Variants in MYH15 observed in about 807,000 individuals in gnomAD.
MYH15 encodes the protein myosin heavy chain 15.
MYH15 carries 227 observed loss-of-function variants against 240.5 expected under a neutral mutation model. That is an observed-to-expected ratio of 0.94 (90% CI 0.85 to 1.05). MYH15 has a LOEUF of 1.05. Among genes scored for constraint, MYH15 ranks in the 50% least tolerant of loss-of-function variants. The probability of loss-of-function intolerance (pLI) is 0.00; values close to 1 mark genes in which losing one functional copy is unlikely to be tolerated. For synonymous variants in MYH15, 785 were observed against 796.7 expected (o/e 0.99, Z 0.25); for missense variants, 2,217 against 2,247.5 (o/e 0.99, Z 0.27).
intron 10 of MYH15, 100 bp from the exon 11 acceptor site, chr3:108,485,329 G>C: frequency 7.6e-7 from 1 of 1,312,730 alleles, no homozygotes; most frequent in South Asian, 1.4e-5. Flanking sequence ...GGGCTGAGGG[G>C]AATGAGACAG....
chr3:108,486,096 G>C, intron 10 of MYH15, among the ~76,000 whole-genome samples: 1 of 151,780 alleles, frequency 6.6e-6, no homozygotes, highest in South Asian at 2.1e-4. Flanking sequence ...ACAGTCTTTT[G>C]GTAAAAAACA....
chr3:108,445,941 A>G (rs915501109), intron 21 of MYH15, among the ~76,000 whole-genome samples: 9 of 151,936 alleles, frequency 5.9e-5, no homozygotes, highest in African/African-American at 1.9e-4. Flanking sequence ...AATACTGGGG[A>G]AAAAAAACTA....
chr3:108,388,865 AAG>A (rs1447985512), intron 38 of MYH15, 103 bp downstream of exon 38: 2 of 877,042 alleles, frequency 2.3e-6, no homozygotes, highest in Admixed American at 2.3e-5. Context: ...AACAAAGATG[AAG>A]AGAGAACGGC....
At chr3:108,443,876 T>A (rs1576237169) in intron 22 of MYH15, among the ~76,000 whole-genome samples, 1 of 134,336 alleles carries the variant, frequency 7.4e-6, no homozygotes, top group East Asian at 2.2e-4. Context: ...TTTTTTTTTT[T>A]AATGTTTCAC....
At chr3:108,465,426 G>A (rs1364235486) in intron 14 of MYH15, among the ~76,000 whole-genome samples, 2 of 152,218 alleles carry the variant, frequency 1.3e-5, no homozygotes, top group Non-Finnish European at 1.5e-5. Context: ...AGCAGCTGGA[G>A]CTCAAAGGCC....
At chr3:108,487,753 T>C (rs1385251624) in intron 9 of MYH15, among the ~76,000 whole-genome samples, 1 of 152,194 alleles carries the variant, frequency 6.6e-6, no homozygotes, top group Non-Finnish European at 1.5e-5. Flanking sequence ...CTCATATATA[T>C]GTTAACACTT....
At chr3:108,382,908 CT>C (rs1240638897) in intron 40 of MYH15, among the ~76,000 whole-genome samples, 1 of 152,186 alleles carries the variant, frequency 6.6e-6, no homozygotes, top group Non-Finnish European at 1.5e-5. Flanking sequence ...CGTTTAAAAA[CT>C]GTGTGTTCCT....
At chr3:108,442,459 G>A (rs1279402056) in intron 22 of MYH15, among the ~76,000 whole-genome samples, 1 of 152,150 alleles carries the variant, frequency 6.6e-6, no homozygotes, top group Non-Finnish European at 1.5e-5. Context: ...CCAATGTATG[G>A]GAAATAATGG....
intron 1 of MYH15, among the ~76,000 whole-genome samples, chr3:108,515,968 C>G (rs1246253796): frequency 6.6e-6 from 1 of 152,176 alleles, no homozygotes; most frequent in East Asian, 1.9e-4. Flanking sequence ...CTTCTTACTG[C>G]TGACCACAGT....
At chr3:108,528,478 T>G (rs1196584997) in intron 1 of MYH15, among the ~76,000 whole-genome samples, 1 of 152,146 alleles carries the variant, frequency 6.6e-6, no homozygotes, top group African/African-American at 2.4e-5. Context: ...GATGGTTGGG[T>G]TTTTCTGCAC....
At chr3:108,386,607 C>T (rs971277993) in intron 38 of MYH15, among the ~76,000 whole-genome samples, 2 of 151,916 alleles carry the variant, frequency 1.3e-5, no homozygotes, top group African/African-American at 4.8e-5. Flanking sequence ...TATAGTCTGA[C>T]GCTCTTCCCT....
At chr3:108,486,652 C>T (rs1411304470) in intron 9 of MYH15, 126 bp from the exon 10 acceptor site, 3 of 554,154 alleles carry the variant, frequency 5.4e-6, no homozygotes, top group Non-Finnish European at 9.2e-6. Context: ...AAAATAAAAT[C>T]CATATTTTAG....
intron 12 of MYH15, among the ~76,000 whole-genome samples, chr3:108,471,289 A>C (rs1184998082): frequency 6.6e-6 from 1 of 152,132 alleles, no homozygotes; most frequent in South Asian, 2.1e-4. Flanking sequence ...CTTGCTATTC[A>C]AAGTGTGATC....
chr3:108,455,551 TA>T (rs926105974), intron 20 of MYH15, among the ~76,000 whole-genome samples, 184 bp downstream of exon 20: 1 of 152,228 alleles, frequency 6.6e-6, no homozygotes, highest in Non-Finnish European at 1.5e-5. Flanking sequence ...AACTGAGGTT[TA>T]AAAAACATTG....
intron 12 of MYH15, among the ~76,000 whole-genome samples, chr3:108,473,795 T>C (rs899265076): frequency 6.6e-5 from 10 of 152,206 alleles, no homozygotes; most frequent in Non-Finnish European, 1.2e-4. Flanking sequence ...TTGATAGTCA[T>C]ATATAGCAGC....
At chr3:108,398,208 A>C (rs1328578065) in intron 35 of MYH15, among the ~76,000 whole-genome samples, 6 of 152,196 alleles carry the variant, frequency 3.9e-5, no homozygotes, top group Non-Finnish European at 2.9e-5. Context: ...CGCAGCGGGA[A>C]GATGCTGTGA....
chr3:108,476,518 G>A lies in MYH15; in HGVS notation c.1115-3C>T. The A allele has an allele frequency of 6.3e-7, 1 of 1,578,828 alleles. No homozygotes were observed. Among genetic ancestry groups the A allele is most frequent in the Non-Finnish European group, 8.7e-7 (1 of 1,148,344 alleles). On this transcript the variant is annotated splice_region_variant and splice_polypyrimidine_tract_variant and intron_variant, in intron 11 of 40. Transcript: ENST00000693548. ...GAGGAAAGCAGCTTTGTCAGCATCT[G>A]GTCATCAGAAATAGAAGAAAAGGAA...
At chr3:108,420,042 A>C (rs964772162) in intron 28 of MYH15, among the ~76,000 whole-genome samples, 11 of 152,200 alleles carry the variant, frequency 7.2e-5, no homozygotes, top group African/African-American at 2.7e-4. Context: ...ATTATAAATG[A>C]CCGAGTATGC....
the MYH15 span, among the ~76,000 whole-genome samples, chr3:108,542,076 T>C: frequency 6.6e-6 from 1 of 152,096 alleles, no homozygotes; most frequent in Non-Finnish European, 1.5e-5. Flanking sequence ...ATCATCCTTT[T>C]TCTGTATTAA....
Sources: gnomAD v4.1 joint callset for allele counts (sites outside exome capture counted in the v4.1 genomes callset) on GRCh38, gnomAD v4.1.1 for gene constraint, MANE v1.5 for transcripts, NCBI Gene and HGNC (gene_info 2026-07-23, HGNC 2026-07-21) for gene names.